ENAH: variants seen among roughly 807,000 people sequenced by gnomAD.
ENAH encodes the protein ENAH actin regulator, also known as protein enabled homolog.
In ENAH, 23 loss-of-function variants were observed where a neutral mutation model predicts 78.7. That is an observed-to-expected ratio of 0.29 (90% CI 0.21 to 0.41). The LOEUF is 0.41. Among genes scored for constraint, ENAH ranks in the 10% least tolerant of loss-of-function variants. ENAH has a pLI of 1.00. For synonymous variants in ENAH, 226 were observed against 241.0 expected (o/e 0.94, Z 0.58); for missense variants, 544 against 691.0 (o/e 0.79, Z 2.39).
At chr1:225,608,220 G>GAAAAAAAAAAAAAAA (rs60998592) in intron 1 of ENAH, among the ~76,000 whole-genome samples, 422 of 90,266 alleles carry the variant, frequency 4.7e-3, no homozygotes, top group Middle Eastern at 0.02. Context: ...ATAAAAAACA[G>GAAAAAAAAAAAAAAA]AAAAAAAAAA....
chr1:225,566,190 G>A (rs2096733965), intron 2 of ENAH, among the ~76,000 whole-genome samples: 1 of 152,172 alleles, frequency 6.6e-6, no homozygotes, highest in Non-Finnish European at 1.5e-5. Context: ...TCCCTGTGCT[G>A]ATAGAAGGAT....
intron 1 of ENAH, among the ~76,000 whole-genome samples, chr1:225,644,952 G>T (rs1021090691): frequency 6.6e-6 from 1 of 152,190 alleles, no homozygotes; most frequent in Middle Eastern, 3.4e-3. Context: ...CATTTTACTG[G>T]TGACTTTAGT....
chr1:225,653,364 T>G (rs1649609735), upstream of ENAH, among the ~76,000 whole-genome samples: 1 of 151,418 alleles, frequency 6.6e-6, no homozygotes, highest in South Asian at 2.1e-4. This position sits in a 1 kb window ranked among gnomAD's most constrained non-coding sequence, Gnocchi z 4.3. Context: ...GGCTCTTTGT[T>G]GCCTCCCTAC....
chr1:225,517,741 G>A (rs909450139), intron 5 of ENAH: 1 of 1,551,210 alleles, frequency 6.4e-7, no homozygotes, highest in African/African-American at 1.4e-5. Flanking sequence ...AGGAACTGTA[G>A]CGTAATGGGG....
chr1:225,538,449 C>CA (rs1250471497), intron 3 of ENAH, among the ~76,000 whole-genome samples: 1 of 151,764 alleles, frequency 6.6e-6, no homozygotes, highest in South Asian at 2.1e-4. Context: ...AATATTATTT[C>CA]AAATTTTGTT....
chr1:225,581,352 G>C (rs1180806724), intron 1 of ENAH: 28 of 939,734 alleles, frequency 3.0e-5, no homozygotes, highest in Non-Finnish European at 3.4e-5. Context: ...AAAATATCAA[G>C]TGTGGCTAAT....
chr1:225,599,645 A>G (rs2096920157), intron 1 of ENAH, among the ~76,000 whole-genome samples: 1 of 151,896 alleles, frequency 6.6e-6, no homozygotes, highest in African/African-American at 2.4e-5. Context: ...GTCTCTACTA[A>G]AAATTCAAAA....
chr1:225,616,200 G>A lies in ENAH; in HGVS notation c.5+36486C>T, dbSNP rs546140189. The stretch of plus-strand genomic sequence containing the variant: ...AGGGACACAAACACTGCGGAAGGCC[G>A]CAGGGTCCTCTGCCTAGGAAAACCA... On this transcript the variant is annotated intron_variant, in intron 1 of 13. Coordinates refer to ENST00000366843, the MANE Select transcript of ENAH (RefSeq NM_018212.6). 2.3e-3 allele frequency among the ~76,000 whole-genome samples: 355 copies of A among 152,104 alleles called. 1 individual carries two copies. The highest frequency in any genetic ancestry group is 3.5e-3 in the Non-Finnish European group (239 of 67,994).
At chr1:225,536,155 AT>A (rs995015504) in intron 3 of ENAH, among the ~76,000 whole-genome samples, 4 of 151,772 alleles carry the variant, frequency 2.6e-5, no homozygotes, top group Non-Finnish European at 5.9e-5. Context: ...ACATGTTACT[AT>A]TTTTTTTCTC....
chr1:225,649,962 G>A (rs1029159673), intron 1 of ENAH, among the ~76,000 whole-genome samples: 6 of 152,090 alleles, frequency 3.9e-5, no homozygotes, highest in Admixed American at 3.3e-4. Flanking sequence ...AACCAAAAAG[G>A]ACTCAACTTA....
At chr1:225,609,965 A>G (rs962638582) in intron 1 of ENAH, among the ~76,000 whole-genome samples, 1 of 152,024 alleles carries the variant, frequency 6.6e-6, no homozygotes, top group Non-Finnish European at 1.5e-5. Context: ...CGCCCGGCCT[A>G]CTTTTTTTAT....
chr1:225,599,743 C>A (rs1421686696), intron 1 of ENAH, among the ~76,000 whole-genome samples: 1 of 149,192 alleles, frequency 6.7e-6, no homozygotes, highest in African/African-American at 2.5e-5. Context: ...TTGCCGTGAG[C>A]CAAGATTGCA....
At chr1:225,649,733 G>A (rs548762581) in intron 1 of ENAH, among the ~76,000 whole-genome samples, 1 of 152,208 alleles carries the variant, frequency 6.6e-6, no homozygotes, top group East Asian at 1.9e-4. Flanking sequence ...ACCGTTTCAG[G>A]AACATAAACT....
chr1:225,586,669 A>T (rs2096848504), intron 1 of ENAH, among the ~76,000 whole-genome samples: 1 of 152,184 alleles, frequency 6.6e-6, no homozygotes, highest in Non-Finnish European at 1.5e-5. Context: ...GATTGGTTTA[A>T]CATCTGAAAA....
intron 6 of ENAH, among the ~76,000 whole-genome samples, chr1:225,515,716 T>C (rs1057098068): frequency 2.6e-5 from 4 of 152,240 alleles, no homozygotes; most frequent in African/African-American, 9.6e-5. Flanking sequence ...AATAAAATGC[T>C]ATTTTGCACA....
At chr1:225,613,885 C>A (rs1233248772) in intron 1 of ENAH, among the ~76,000 whole-genome samples, 1 of 151,970 alleles carries the variant, frequency 6.6e-6, no homozygotes, top group African/African-American at 2.4e-5. Flanking sequence ...GGGATCAGTC[C>A]CAGAAGACCA....
intron 1 of ENAH, among the ~76,000 whole-genome samples, chr1:225,590,848 G>A (rs907549997): frequency 7.9e-5 from 12 of 152,196 alleles, no homozygotes; most frequent in African/African-American, 2.4e-4. Flanking sequence ...TCTCCACCTA[G>A]AAGCCCCATA....
In ENAH at chr1:225,555,047, A is replaced by C; in HGVS notation, c.208T>G (p.Tyr70Asp). ...INCAIPKGLK[Y>D]NQATQTFHQW... Reference sequence around the variant, plus strand: ...TGGAAGGTCTGTGTAGCTTGATTGTACTTCAACCCTTTAGGAATGGCACAG... The same window carrying C: ...TGGAAGGTCTGTGTAGCTTGATTGTCCTTCAACCCTTTAGGAATGGCACAG... Residue 70 changes from tyrosine (Y) to aspartate (D), a missense_variant, in exon 3 of 14, where the codon TAC (tyrosine) becomes GAC (aspartate). Transcript: ENST00000366843. The C allele has an allele frequency of 6.3e-7, 1 of 1,587,518 alleles. No individual in the cohort carries two copies.
intron 1 of ENAH, among the ~76,000 whole-genome samples, chr1:225,589,464 G>A (rs2096864770): frequency 6.6e-6 from 1 of 152,116 alleles, no homozygotes; most frequent in South Asian, 2.1e-4. Flanking sequence ...CGGAGGAACT[G>A]GCTGCAGGAC....
Sources: allele counts gnomAD v4.1 joint callset (sites outside exome capture counted in the v4.1 genomes callset), GRCh38; gene constraint gnomAD v4.1.1; non-coding constraint Gnocchi (gnomAD v3.1); transcripts MANE v1.5; gene names NCBI Gene and HGNC (gene_info 2026-07-23, HGNC 2026-07-21).